Variants in RRP1B observed in about 807,000 individuals in gnomAD.
RRP1B encodes the protein ribosomal RNA processing 1B, also known as ribosomal RNA processing protein 1 homolog B.
A neutral mutation model predicts 80.2 loss-of-function variants in RRP1B; 56 were observed. The ratio of observed to expected loss-of-function variants is 0.70; its 90% CI spans 0.56 to 0.87. RRP1B has a LOEUF of 0.87. Ranked by LOEUF, RRP1B falls within the 40% of genes least tolerant of loss-of-function variation. The probability of loss-of-function intolerance (pLI) is 0.00; values close to 1 mark genes in which losing one functional copy is unlikely to be tolerated. For missense variants in RRP1B, 807 were observed against 939.8 expected (o/e 0.86, Z 1.85); for synonymous variants, 351 against 357.6 (o/e 0.98, Z 0.21).
intron 1 of RRP1B, among the ~76,000 whole-genome samples, chr21:43,668,397 G>A (rs558697030): frequency 1.0e-3 from 149 of 143,248 alleles, no homozygotes; most frequent in African/African-American, 3.0e-3. Context: ...CTCTCGCTCT[G>A]TCGCCCAGGC....
At chr21:43,677,041 C>G in intron 8 of RRP1B, 127 bp downstream of exon 8, 1 of 945,176 alleles carries the variant, frequency 1.1e-6, no homozygotes, top group Admixed American at 2.7e-5. Flanking sequence ...GCCTCAGCCC[C>G]TCCCAAGAAA....
At position 43,687,773 on chromosome 21, in the gene RRP1B, C is replaced by G. The variant is rs780899285; in HGVS notation, c.1399C>G (p.Pro467Ala). The change falls in exon 13 of 16, where the codon CCC (proline) becomes GCC (alanine). Residue 467 changes from proline to alanine, a missense_variant. By Grantham distance (27) the Pro-to-Ala change is conservative. Coordinates refer to ENST00000340648, the MANE Select transcript of RRP1B (RefSeq NM_015056.3). ...TGGCTCCGAGCATCCTCCAGCCGTC[C>G]CCATGCACAATAAAAGGAAACGGCC... is the stretch of plus-strand genomic sequence containing the variant. ...ESGSEHPPAVPMHNKRKRPRK... is the reference protein window; with the variant it reads ...ESGSEHPPAVAMHNKRKRPRK... 2 of 1,613,296 alleles carry G rather than the reference C, an allele frequency of 1.2e-6. No individual in the cohort carries two copies. The highest frequency in any genetic ancestry group is 1.7e-6 in the Non-Finnish European group (2 of 1,180,018).
At chr21:43,669,777 C>T (rs373641338) in intron 1 of RRP1B, 107 bp from the exon 2 acceptor site, 44 of 714,002 alleles carry the variant, frequency 6.2e-5, no homozygotes, top group South Asian at 3.3e-4. Flanking sequence ...TTTAAAAAGA[C>T]GTGCAAACGA....
intron 13 of RRP1B, among the ~76,000 whole-genome samples, chr21:43,689,385 A>G (rs2083077383): frequency 2.0e-5 from 3 of 152,222 alleles, no homozygotes; most frequent in African/African-American, 7.2e-5. Context: ...TGGGGCTAAG[A>G]GTGTCTGCAA....
At chr21:43,660,034 A>G (rs1392782866) in intron 1 of RRP1B, among the ~76,000 whole-genome samples, 2 of 152,212 alleles carry the variant, frequency 1.3e-5, no homozygotes, top group Non-Finnish European at 2.9e-5. Flanking sequence ...GGAAGCTGAG[A>G]AAAGACCCAC....
chr21:43,674,014 T>C lies in RRP1B; in HGVS notation c.357+59T>C, dbSNP rs1047054965. 22 of 1,266,698 alleles carry C rather than the reference T, an allele frequency of 1.7e-5. No individual in the cohort carries two copies. In the African/African-American group the frequency reaches 2.4e-4, roughly 14 times the overall value. 78.5% of individuals were successfully genotyped at this position (1,266,698 alleles called of 1,614,324 possible). On this transcript the variant is annotated intron_variant, in intron 4 of 15. Transcript: ENST00000340648. ...GGGAAGAAAAGAATGTCCTTTATCTTAAAAACAATGGGAAGGTTTATTTGT... is the reference window on the plus strand; with the variant it reads ...GGGAAGAAAAGAATGTCCTTTATCTCAAAAACAATGGGAAGGTTTATTTGT...
chr21:43,662,008 A>G (rs1368751612), intron 1 of RRP1B, among the ~76,000 whole-genome samples: 2 of 152,226 alleles, frequency 1.3e-5, no homozygotes, highest in Non-Finnish European at 2.9e-5. Context: ...ACTTAGCTAC[A>G]TTGCTTCTTA....
Position 43,683,334 on chromosome 21 carries a change from T to G in RRP1B, c.852T>G (p.Asp284Glu), listed in dbSNP as rs2083050789. 1 of 1,614,092 alleles carries G rather than the reference T, an allele frequency of 6.2e-7. No individual in the cohort carries two copies. The highest frequency in any genetic ancestry group is 1.3e-5 in the African/African-American group (1 of 74,948). ...KDGLSDERGR[D>E]DCGTFEDTGP... ...GACTCAGTGATGAAAGAGGAAGAGA[T>G]GACTGTGGAACCTTTGAGGACACAG... is the stretch of plus-strand genomic sequence containing the variant. Residue 284 changes from aspartate (D) to glutamate (E), a missense_variant, in exon 9 of 16, where the codon GAT becomes GAG. Asp to Glu is a conservative substitution (Grantham distance 45). Coordinates refer to ENST00000340648, the MANE Select transcript of RRP1B (RefSeq NM_015056.3).
Position 43,669,997 on chromosome 21 carries a change from GGTTCTTGCT to G in RRP1B, c.213+34_213+42del, listed in dbSNP as rs765202905. ...ATGCGTTCCCTTTGTCATGCTCCCG[GGTTCTTGCT>G]GTGGATGGATAAGAGACTTGATCAC... On this transcript the variant is annotated intron_variant, in intron 2 of 15. Transcript: ENST00000340648. 2.7e-6 allele frequency: 4 copies of G among 1,508,254 alleles called. No individual in the cohort carries two copies. The South Asian group carries it at 3.5e-5, about 13-fold the overall frequency. The allele number at this position is 1,508,254 out of a possible 1,614,324, so 93.4% of individuals were successfully genotyped here.
At chr21:43,678,548 C>A (rs1039528617) in intron 8 of RRP1B, among the ~76,000 whole-genome samples, 2 of 152,122 alleles carry the variant, frequency 1.3e-5, no homozygotes, top group Non-Finnish European at 2.9e-5. Context: ...TTTGCATTTC[C>A]GTGTGTTTGT....
chr21:43,662,961 T>C (rs1440016405), intron 1 of RRP1B, among the ~76,000 whole-genome samples: 1 of 152,238 alleles, frequency 6.6e-6, no homozygotes, highest in Non-Finnish European at 1.5e-5. Flanking sequence ...TGCTTTCTTT[T>C]TGGCAGCATA....
At chr21:43,690,965 T>C (rs1445270395) in intron 14 of RRP1B, among the ~76,000 whole-genome samples, 6 of 152,174 alleles carry the variant, frequency 3.9e-5, no homozygotes, top group Non-Finnish European at 5.9e-5. Context: ...TGAGATTCCA[T>C]CATAGGCATC....
At position 43,685,774 on chromosome 21, in the gene RRP1B, C is replaced by A; in HGVS notation, c.994C>A (p.Gln332Lys). The A allele has an allele frequency of 1.3e-6, 2 of 1,559,456 alleles. No individual in the cohort carries two copies. The highest frequency in any genetic ancestry group is 1.7e-6 in the Non-Finnish European group (2 of 1,153,348). ...TTTTTATTTTTTTATTTTTAGATTC[C>A]AAGACCTTTCTGAAGGTGAGGCGCG... ...KRLSKLIKKF[Q>K]DLSEGSSISQ... is the part of the protein sequence containing the mutation. The change falls in exon 11 of 16, where the codon CAA (glutamine) becomes AAA (lysine). Residue 332 changes from glutamine to lysine, a missense_variant. Coordinates refer to ENST00000340648, the MANE Select transcript of RRP1B (RefSeq NM_015056.3).
rs1461963739 is a variant in RRP1B, at chr21:43,695,876, A to G, written c.*2493A>G. 1 of 152,232 alleles carries G rather than the reference A, an allele frequency of 6.6e-6. No homozygotes were observed. Among genetic ancestry groups the G allele is most frequent in the Non-Finnish European group, 1.5e-5 (1 of 68,036 alleles). The allele number at this position is 152,232 out of a possible 1,614,324, so 9.4% of individuals were successfully genotyped here. A position where few individuals can be genotyped will look rare whatever the true frequency, so the allele number is the denominator to read the frequency against. The stretch of plus-strand genomic sequence containing the variant: ...CTGAACTGAAAGCACAAAGAAGACT[A>G]CACAGAAAATCTGGAAACAGTTGCA... On this transcript the variant is annotated 3_prime_UTR_variant, in exon 16 of 16. Transcript: ENST00000340648.
chr21:43,672,445 T>C, intron 3 of RRP1B, 80 bp downstream of exon 3: 1 of 1,224,926 alleles, frequency 8.2e-7, no homozygotes. Flanking sequence ...CGGTATTGTG[T>C]AGATGTCAGG....
intron 11 of RRP1B, 47 bp downstream of exon 11, chr21:43,685,836 G>T: frequency 6.3e-7 from 1 of 1,576,064 alleles, no homozygotes; most frequent in Admixed American, 1.8e-5. Context: ...TCGTGAATAT[G>T]GACCCCACTG....
chr21:43,660,563 A>AAAAAGAAAAG (rs984395739), intron 1 of RRP1B, among the ~76,000 whole-genome samples: 1 of 152,224 alleles, frequency 6.6e-6, no homozygotes, highest in Non-Finnish European at 1.5e-5. Context: ...ACTCCGTCTC[A>AAAAAGAAAAG]AAAAGAAAAG....
At chr21:43,668,562 G>C (rs1198551216) in intron 1 of RRP1B, among the ~76,000 whole-genome samples, 1 of 151,820 alleles carries the variant, frequency 6.6e-6, no homozygotes, top group Non-Finnish European at 1.5e-5. Context: ...GTAGAGACGG[G>C]GTTTCACTGT....
rs2083100086 is a variant in RRP1B, at chr21:43,694,579, T to TGCACGGTGAGAGGGCACGGGC, written c.*1197_*1217dup. The TGCACGGTGAGAGGGCACGGGC allele has an allele frequency of 6.6e-6, 1 of 152,296 alleles. No homozygotes were observed. Among genetic ancestry groups the TGCACGGTGAGAGGGCACGGGC allele is most frequent in the Non-Finnish European group, 1.5e-5 (1 of 68,082 alleles). The allele number at this position is 152,296 out of a possible 1,614,324, so 9.4% of individuals were successfully genotyped here. ...CTCCGTGGCTTCCGCAGCTACCGTC[T>TGCACGGTGAGAGGGCACGGGC]GCACGGTGAGAGGGCACGGGCACAC... On this transcript the variant is annotated 3_prime_UTR_variant, in exon 16 of 16. Coordinates refer to ENST00000340648, the MANE Select transcript of RRP1B (RefSeq NM_015056.3).
Sources: gnomAD v4.1 joint callset for allele counts (sites outside exome capture counted in the v4.1 genomes callset) on GRCh38, gnomAD v4.1.1 for gene constraint, MANE v1.5 for transcripts, NCBI Gene and HGNC (gene_info 2026-07-23, HGNC 2026-07-21) for gene names.